Variants in SPTBN2 observed in about 807,000 individuals in gnomAD.
SPTBN2 encodes the protein spectrin beta chain, non-erythrocytic 2.
SPTBN2 carries 107 observed loss-of-function variants against 284.2 expected under a neutral mutation model. The ratio of observed to expected loss-of-function variants is 0.38; its 90% CI spans 0.32 to 0.44. SPTBN2 has a LOEUF of 0.44. SPTBN2 is among the 20% of genes least tolerant of loss of function. SPTBN2 has a pLI of 1.00. For synonymous variants in SPTBN2, 1,289 were observed against 1,354.8 expected (o/e 0.95, Z 1.07); for missense variants, 2,569 against 3,287.1 (o/e 0.78, Z 5.34).
chr11:66,685,325 A>G lies in SPTBN2; in HGVS notation c.*546T>C, dbSNP rs539068045. On this transcript the variant is annotated 3_prime_UTR_variant, in exon 38 of 38. Transcript: ENST00000533211. This position sits in a 1 kb window ranked among gnomAD's most constrained non-coding sequence, Gnocchi z 4.4. ...GCTGTCCCCGAACAACACACCTGGA[A>G]GCCATTGAGAGCAGCTGGAGATGGA... is the stretch of plus-strand genomic sequence containing the variant. 2.8e-3 allele frequency: 460 copies of G among 164,060 alleles called. 1 individual carries two copies. The highest frequency in any genetic ancestry group is 4.9e-3 in the Non-Finnish European group (381 of 78,092). The allele number at this position is 164,060 out of a possible 1,614,324, so 10.2% of individuals were successfully genotyped here.
In SPTBN2 at chr11:66,689,125, C is replaced by A; in HGVS notation, c.6005G>T (p.Trp2002Leu). The A allele has an allele frequency of 6.2e-7, 1 of 1,610,702 alleles. No individual in the cohort carries two copies. The highest frequency in any genetic ancestry group is 8.5e-7 in the Non-Finnish European group (1 of 1,178,406). ...QARRQETAEK[W>L]QEKMDWLQLV... ...CTGAAGCCAGTCCATCTTCTCCTGC[C>A]ACTTCTCAGCTGTCTCCTGGCGCCG... Residue 2002 changes from tryptophan to leucine, a missense_variant, in exon 30 of 38, where the codon TGG becomes TTG. Around this residue, in one of 6 missense-constraint regions of SPTBN2, gnomAD observed 1,130 missense variants for 1,317.3 expected, o/e 0.86. Coordinates refer to ENST00000533211, the MANE Select transcript of SPTBN2 (RefSeq NM_006946.4).
upstream of SPTBN2, among the ~76,000 whole-genome samples, chr11:66,733,867 A>G (rs1386842811): frequency 6.6e-6 from 1 of 151,500 alleles, no homozygotes; most frequent in East Asian, 1.9e-4. Context: ...AGTCCCAGCT[A>G]CTCGGGAGGC....
rs1339785301 is a variant in SPTBN2 at position 66,704,779 on chromosome 11, G to A, written c.2497C>T (p.His833Tyr). 6.2e-7 allele frequency: 1 copy of A among 1,604,058 alleles called. No individual in the cohort carries two copies. Among genetic ancestry groups the A allele is most frequent in the Non-Finnish European group, 8.5e-7 (1 of 1,177,552 alleles). ...GCCCGGGCCTGCAGCTCCTCGTAGT[G>A]CCGCTCCAGGGTGGGCACCCGGCTC... ...VQSRVPTLER[H>Y]YEELQARAGE... Residue 833 changes from histidine (H) to tyrosine (Y), a missense_variant, in exon 15 of 38, where the codon CAC (histidine) becomes TAC (tyrosine). His to Tyr is a moderately conservative substitution (Grantham distance 83). Coordinates refer to ENST00000533211, the MANE Select transcript of SPTBN2 (RefSeq NM_006946.4).
rs1940567960 is a variant in SPTBN2 at position 66,691,775 on chromosome 11, G to C, written c.5191-117C>G. ...ACCCACCTCTCCCCGCTGCATGGGG[G>C]CCGGGACAGGTTTCTTCCCTGTGGT... On this transcript the variant is annotated intron_variant, in intron 26 of 37. Transcript: ENST00000533211. This position sits in a 1 kb window ranked among gnomAD's most constrained non-coding sequence, Gnocchi z 8.0. The C allele has an allele frequency of 5.5e-6, 8 of 1,465,124 alleles. No homozygotes were observed. The South Asian group carries it at 9.4e-5, about 17-fold the overall frequency. The allele number at this position is 1,465,124 out of a possible 1,614,324, so 90.8% of individuals were successfully genotyped here.
At chr11:66,736,555 CCT>C (rs1942851991) in intron 1 of SPTBN2, among the ~76,000 whole-genome samples, 1 of 152,136 alleles carries the variant, frequency 6.6e-6, no homozygotes, top group African/African-American at 2.4e-5. Context: ...GCCACTAACC[CCT>C]GTGAATACAC....
chr11:66,690,493 T>G, intron 27 of SPTBN2: 2 of 638,418 alleles, frequency 3.1e-6, no homozygotes, highest in Non-Finnish European at 5.3e-6. Flanking sequence ...TGGGCTTAAC[T>G]GGGGGAGGAT....
chr11:66,704,078 G>T, intron 15 of SPTBN2, among the ~76,000 whole-genome samples: 1 of 149,550 alleles, frequency 6.7e-6, no homozygotes, highest in East Asian at 2.0e-4. Flanking sequence ...GTTCATGCCA[G>T]TCTCCTGCCT....
chr11:66,696,299 T>C lies in SPTBN2; in HGVS notation c.4256A>G (p.Asn1419Ser), dbSNP rs778722219. 28 of 1,612,458 alleles carry C rather than the reference T, an allele frequency of 1.7e-5. No individual in the cohort carries two copies. Among genetic ancestry groups the C allele is most frequent in the Admixed American group, 6.7e-5 (4 of 60,006 alleles). The change falls in exon 21 of 38, where the codon AAC (asparagine) becomes AGC (serine). Residue 1419 changes from asparagine to serine, a missense_variant. Coordinates refer to ENST00000533211, the MANE Select transcript of SPTBN2 (RefSeq NM_006946.4). Reference protein sequence around the residue: ...DDYGKDLTSVNILLKKQQMLE... With the variant: ...DDYGKDLTSVSILLKKQQMLE... ...CACCTGCTGCTTCTTGAGCAGGATG[T>C]TGACGCTGGTGAGGTCCTTGCCGTA...
At position 66,683,630 on chromosome 11, in the gene SPTBN2, C is replaced by G. The variant is rs148814894; in HGVS notation, c.*2241G>C. Among the ~76,000 whole-genome samples the G allele has an allele frequency of 2.9e-3, 439 of 152,374 alleles. 3 individuals are homozygous for G. The highest frequency in any genetic ancestry group is 9.3e-3 in the African/African-American group (387 of 41,582). Reference sequence around the variant, plus strand: ...CGCATATGCAGATGCTGCTCGGGGTCTTCAGTCTCACCTCTCCGTTGACAA... The same window carrying G: ...CGCATATGCAGATGCTGCTCGGGGTGTTCAGTCTCACCTCTCCGTTGACAA... On this transcript the variant is annotated 3_prime_UTR_variant, in exon 38 of 38. Coordinates refer to ENST00000533211, the MANE Select transcript of SPTBN2 (RefSeq NM_006946.4).
rs1283630103 is a variant in SPTBN2, at chr11:66,700,633, C to T, written c.3466G>A (p.Glu1156Lys). 6.2e-7 allele frequency: 1 copy of T among 1,608,304 alleles called. No individual in the cohort carries two copies. Among genetic ancestry groups the T allele is most frequent in the Non-Finnish European group, 8.5e-7 (1 of 1,179,966 alleles). ...CGGCTCTCCCACATTCGGCCCAGCT[C>T]CTCCCAGCCAGTTCCCAGGGCCTCC... Reference protein sequence around the residue: ...RLEALGTGWEELGRMWESRQG... With the variant: ...RLEALGTGWEKLGRMWESRQG... The change falls in exon 17 of 38, where the codon GAG (glutamate) becomes AAG (lysine). Residue 1156 changes from glutamate to lysine, a missense_variant. Glu to Lys is a moderately conservative substitution (Grantham distance 56). This residue lies in a region of SPTBN2 where 1,012 missense variants were observed against 1,248.9 expected (regional missense o/e 0.81). Transcript: ENST00000533211. This position sits in a 1 kb window ranked among gnomAD's most constrained non-coding sequence, Gnocchi z 6.6.
At chr11:66,721,715 G>C (rs1300671643) in intron 1 of SPTBN2, among the ~76,000 whole-genome samples, 1 of 152,154 alleles carries the variant, frequency 6.6e-6, no homozygotes, top group Non-Finnish European at 1.5e-5. Flanking sequence ...ATCAACCCAA[G>C]ATGGCCTACT....
intron 21 of SPTBN2, 145 bp downstream of exon 21, chr11:66,696,132 T>A: frequency 1.9e-6 from 2 of 1,069,492 alleles, no homozygotes; most frequent in South Asian, 1.4e-5. Context: ...CCCTAGAGAT[T>A]CTGATACTGG....
rs943217392 is a variant in SPTBN2 at position 66,705,685 on chromosome 11, T to A, written c.1806A>T (p.Lys602Asn). 8.1e-6 allele frequency: 13 copies of A among 1,611,310 alleles called. No homozygotes were observed. In the Admixed American group the frequency reaches 1.8e-4, roughly 23 times the overall value. Residue 602 changes from lysine (K) to asparagine (N), a missense_variant and splice_region_variant, in exon 14 of 38, where the codon AAA becomes AAT. Around this residue, in one of 6 missense-constraint regions of SPTBN2, gnomAD observed 1,012 missense variants for 1,248.9 expected, o/e 0.81. Coordinates refer to ENST00000533211, the MANE Select transcript of SPTBN2 (RefSeq NM_006946.4). ...ASALRFCNPG[K>N]EYRPCDPQLV... ...CCAGTGCCTTCGCTGACTTCTCACC[T>A]TTCCCTGGGTTGCAGAAGCGCAGGG...
In SPTBN2 at chr11:66,722,444, T is replaced by C. The variant is rs371691872; in HGVS notation, c.-113-1004A>G. Among the ~76,000 whole-genome samples, 1,309 of 150,992 alleles carry C rather than the reference T, an allele frequency of 8.7e-3. 9 individuals are homozygous for C. The highest frequency in any genetic ancestry group is 0.016 in the South Asian group (78 of 4,764). On this transcript the variant is annotated intron_variant, in intron 1 of 37. Coordinates refer to ENST00000533211, the MANE Select transcript of SPTBN2 (RefSeq NM_006946.4). ...ACAAAAAATTAGCTGGGTGTGGTGG[T>C]GGGTGCCTGTAGTCCCAGCTACTCG...
At chr11:66,695,177 T>G (rs566133261) in intron 21 of SPTBN2, among the ~76,000 whole-genome samples, 3 of 152,376 alleles carry the variant, frequency 2.0e-5, no homozygotes, top group Admixed American at 6.5e-5. Context: ...CTTCCCATTC[T>G]GCATTCTTCA....
At position 66,685,988 on chromosome 11, in the gene SPTBN2, G is replaced by A; in HGVS notation, c.7056C>T (p.Ala2352=). Residue 2352 remains alanine, a synonymous_variant, in exon 38 of 38, where the codon GCC becomes GCT. Transcript: ENST00000533211. This position sits in a 1 kb window ranked among gnomAD's most constrained non-coding sequence, Gnocchi z 4.4. ...VPSTTRGMTR[A]MTMPPVSPVG... ...CGGGTGACACTGGGGGCATGGTCAT[G>A]GCCCGGGTCATGCCCCGGGTGGTGC... 5 of 1,613,834 alleles carry A rather than the reference G, an allele frequency of 3.1e-6. No homozygotes were observed. Among genetic ancestry groups the A allele is most frequent in the Non-Finnish European group, 4.2e-6 (5 of 1,180,012 alleles).
At chr11:66,689,023 C>T (rs1590910728) in intron 30 of SPTBN2, 73 bp downstream of exon 30, 3 of 1,521,330 alleles carry the variant, frequency 2.0e-6, no homozygotes, top group African/African-American at 1.4e-5. Flanking sequence ...CCTAGTCTCA[C>T]CTACTCTGGA....
At position 66,715,784 on chromosome 11, in the gene SPTBN2, A is replaced by T. The variant is rs768838717; in HGVS notation, c.309+46T>A. On this transcript the variant is annotated intron_variant, in intron 4 of 37. Transcript: ENST00000533211. This position sits in a 1 kb window ranked among gnomAD's most constrained non-coding sequence, Gnocchi z 5.3. ...CTGTTCTTCCAGCTGGTCCCCTTGG[A>T]CACTTTTCTAAGGCCCCCCCACTTC... 3.1e-6 allele frequency: 5 copies of T among 1,608,882 alleles called. No homozygotes were observed. In the Admixed American group the frequency reaches 8.4e-5, roughly 27 times the overall value.
chr11:66,705,689 C>G lies in SPTBN2; in HGVS notation c.1802G>C (p.Gly601Ala). The G allele has an allele frequency of 6.2e-7, 1 of 1,611,672 alleles. No individual in the cohort carries two copies. Among genetic ancestry groups the G allele is most frequent in the South Asian group, 1.1e-5 (1 of 91,084 alleles). Residue 601 changes from glycine (G) to alanine (A), a missense_variant, in exon 14 of 38, where the codon GGG becomes GCG. Transcript: ENST00000533211. ...SASALRFCNP[G>A]KEYRPCDPQL... is the part of the protein sequence containing the mutation. ...TGCCTTCGCTGACTTCTCACCTTTC[C>G]CTGGGTTGCAGAAGCGCAGGGCAGA...
Sources: allele counts gnomAD v4.1 joint callset (sites outside exome capture counted in the v4.1 genomes callset), GRCh38; gene constraint gnomAD v4.1.1; regional missense constraint gnomAD v4.1.1; non-coding constraint Gnocchi (gnomAD v3.1); transcripts MANE v1.5; gene names NCBI Gene and HGNC (gene_info 2026-07-23, HGNC 2026-07-21).